Variants in TYW1B observed in about 807,000 individuals in gnomAD.
The protein encoded by TYW1B is tRNA-yW synthesizing protein 1 homolog B.
TYW1B carries 73 observed loss-of-function variants against 86.9 expected under a neutral mutation model. The ratio of observed to expected loss-of-function variants is 0.84; its 90% CI spans 0.70 to 1.02. The LOEUF (loss-of-function observed/expected upper bound fraction) is 1.02, where lower values mean the gene tolerates loss of function less well. Among genes scored for constraint, TYW1B ranks in the 50% least tolerant of loss-of-function variants. The pLI, the probability that TYW1B is intolerant of heterozygous loss-of-function variation, is 0.00. For missense variants in TYW1B, 637 were observed against 827.4 expected (o/e 0.77, Z 2.82); for synonymous variants, 248 against 292.8 (o/e 0.85, Z 1.56).
At chr7:72,646,054 T>C (rs1168084548) in intron 11 of TYW1B, among the ~76,000 whole-genome samples, 2 of 149,756 alleles carry the variant, frequency 1.3e-5, no homozygotes, top group Admixed American at 1.3e-4. Context: ...AGTCTTTTCG[T>C]TTGTTTTTTG....
rs377093519 is a variant in TYW1B at position 72,792,219 on chromosome 7, C to T, written c.846+10181G>A. ...GCATGCACCTGTAATCCCAGCTACT[C>T]GGGAGGATGAGGCAGGAGAATCACT... On this transcript the variant is annotated intron_variant, in intron 6 of 13. Coordinates refer to ENST00000620995, the MANE Select transcript of TYW1B (RefSeq NM_001145440.3). 9.2e-5 allele frequency among the ~76,000 whole-genome samples: 14 copies of T among 151,686 alleles called. 1 individual carries two copies. The highest frequency in any genetic ancestry group is 5.9e-4 in the Admixed American group (9 of 15,182).
chr7:72,816,229 A>T (rs1342762344), intron 2 of TYW1B, among the ~76,000 whole-genome samples: 1 of 151,980 alleles, frequency 6.6e-6, no homozygotes, highest in African/African-American at 2.4e-5. Flanking sequence ...ATACAAAATT[A>T]GCCAAGCGTG....
At chr7:72,691,925 G>T (rs35200236) in intron 11 of TYW1B, among the ~76,000 whole-genome samples, 1 of 152,032 alleles carries the variant, frequency 6.6e-6, no homozygotes, top group Non-Finnish European at 1.5e-5. Context: ...TAAGAAACAG[G>T]CTGGGTGCAG....
chr7:72,717,530 C>T (rs1387058004), intron 9 of TYW1B, among the ~76,000 whole-genome samples: 6 of 151,960 alleles, frequency 3.9e-5, no homozygotes, highest in Admixed American at 1.3e-4. Context: ...AATGAATCCC[C>T]GGGTTGGCCA....
chr7:72,804,901 T>G (rs1288369539), intron 5 of TYW1B, among the ~76,000 whole-genome samples: 1 of 152,192 alleles, frequency 6.6e-6, no homozygotes, highest in African/African-American at 2.4e-5. Context: ...TAGACTCTCC[T>G]TGATAACTTC....
At chr7:72,604,055 A>T (rs1227718287) in intron 13 of TYW1B, among the ~76,000 whole-genome samples, 4 of 152,210 alleles carry the variant, frequency 2.6e-5, no homozygotes, top group African/African-American at 2.4e-5. Context: ...CACGTACCAC[A>T]CCAACATAAG....
intron 7 of TYW1B, among the ~76,000 whole-genome samples, chr7:72,749,619 C>T (rs1554464533): frequency 1.3e-5 from 2 of 151,912 alleles, no homozygotes; most frequent in East Asian, 3.9e-4. Context: ...AAAGATTTAT[C>T]AATTTTATTG....
intron 10 of TYW1B, among the ~76,000 whole-genome samples, chr7:72,698,241 T>C (rs1554451844): frequency 6.6e-6 from 1 of 152,142 alleles, no homozygotes; most frequent in African/African-American, 2.4e-5. Flanking sequence ...TCTTGATCAG[T>C]TCACTGAATC....
intron 11 of TYW1B, among the ~76,000 whole-genome samples, chr7:72,650,881 T>C (rs547388601): frequency 2.0e-5 from 3 of 152,276 alleles, no homozygotes; most frequent in East Asian, 1.9e-4. Flanking sequence ...ATGGAAGACA[T>C]GGCTTCATAA....
intron 7 of TYW1B, among the ~76,000 whole-genome samples, chr7:72,756,747 T>A (rs1787596854): frequency 6.6e-6 from 1 of 152,108 alleles, no homozygotes; most frequent in African/African-American, 2.4e-5. Context: ...AGGTACCTGA[T>A]AAAGAGCCCT....
At chr7:72,627,456 G>GTAACATAACATAACATAACATAACA (rs368171802) in intron 12 of TYW1B, among the ~76,000 whole-genome samples, 2 of 124,524 alleles carry the variant, frequency 1.6e-5, no homozygotes, top group African/African-American at 3.2e-5. Flanking sequence ...TCAAAAAACA[G>GTAACATAACATAACATAACATAACA]TAACATAACA....
At chr7:72,694,539 A>G (rs1383143844) in intron 11 of TYW1B, 148 bp downstream of exon 11, 9 of 1,237,378 alleles carry the variant, frequency 7.3e-6, no homozygotes, top group African/African-American at 1.5e-5. Context: ...AAGTCTCTAA[A>G]AAGTTGAACG....
chr7:72,693,939 T>C (rs547744047), intron 11 of TYW1B, among the ~76,000 whole-genome samples: 1 of 151,986 alleles, frequency 6.6e-6, no homozygotes, highest in South Asian at 2.1e-4. Flanking sequence ...TATGTGCAAA[T>C]ACTATGCCAT....
rs1399199977 is a variant in TYW1B, at chr7:72,765,210, A to C, written c.964+12206T>G. ...TCCTTAAGATTGTACGTGAGATCTA[A>C]AATCTGCCCTGGTTTGGCTTCCTAG... On this transcript the variant is annotated intron_variant, in intron 7 of 13. Coordinates refer to ENST00000620995, the MANE Select transcript of TYW1B (RefSeq NM_001145440.3). Among the ~76,000 whole-genome samples, 3 of 152,188 alleles carry C rather than the reference A, an allele frequency of 2.0e-5. No individual in the cohort carries two copies. The East Asian group carries it at 5.8e-4, about 29-fold the overall frequency.
intron 2 of TYW1B, among the ~76,000 whole-genome samples, chr7:72,824,119 C>T (rs1788882956): frequency 6.6e-6 from 1 of 151,806 alleles, no homozygotes; most frequent in Non-Finnish European, 1.5e-5. Context: ...AACTGACCTT[C>T]GACTGTAAAA....
intron 7 of TYW1B, among the ~76,000 whole-genome samples, chr7:72,768,170 G>A (rs1227824227): frequency 1.2e-4 from 18 of 151,870 alleles, no homozygotes; most frequent in Non-Finnish European, 5.9e-5. Context: ...AGCCCAGGAG[G>A]TGAGAGGCTG....
chr7:72,726,927 G>A (rs1554458822), intron 9 of TYW1B, among the ~76,000 whole-genome samples: 2 of 152,152 alleles, frequency 1.3e-5, no homozygotes, highest in Admixed American at 6.6e-5. Flanking sequence ...GCAGCAGGAA[G>A]GAGAAGTGCA....
chr7:72,584,592 A>G (rs1381998805), intron 13 of TYW1B, among the ~76,000 whole-genome samples: 2 of 151,628 alleles, frequency 1.3e-5, no homozygotes, highest in African/African-American at 4.8e-5. Context: ...AGTAGCTGGG[A>G]TTACAGGCAT....
chr7:72,711,133 C>T (rs1270883949), intron 10 of TYW1B, among the ~76,000 whole-genome samples: 1 of 152,192 alleles, frequency 6.6e-6, no homozygotes, highest in East Asian at 1.9e-4. Context: ...CACCCTCATA[C>T]ACTGGGCCCC....
Sources: allele counts gnomAD v4.1 joint callset (sites outside exome capture counted in the v4.1 genomes callset), GRCh38; gene constraint gnomAD v4.1.1; transcripts MANE v1.5; gene names NCBI Gene and HGNC (gene_info 2026-07-23, HGNC 2026-07-21).